The following CALCOCO2 variants were observed in gnomAD, a reference collection of about 807,000 sequenced individuals.
The protein encoded by CALCOCO2 is calcium-binding and coiled-coil domain-containing protein 2.
In CALCOCO2, 42 loss-of-function variants were observed where a neutral mutation model predicts 62.5. The ratio of observed to expected loss-of-function variants is 0.67; its 90% CI spans 0.53 to 0.87. CALCOCO2 has a LOEUF of 0.87. Among genes scored for constraint, CALCOCO2 ranks in the 40% least tolerant of loss-of-function variants. The pLI is 0.00. For synonymous variants in CALCOCO2, 167 were observed against 173.0 expected, an observed-to-expected ratio of 0.97 and a Z score of 0.27; for missense variants, 456 against 515.0, an observed-to-expected ratio of 0.89 and a Z score of 1.11.
intron 1 of CALCOCO2, among the ~76,000 whole-genome samples, chr17:48,839,676 T>TTTTC (rs2039949953): frequency 7.8e-6 from 1 of 127,618 alleles, no homozygotes; most frequent in Non-Finnish European, 1.7e-5. Context: ...TTTGCTTTTT[T>TTTTC]TTTTTTTTTT....
chr17:48,864,788 T>C lies in CALCOCO2; in HGVS notation c.*1783T>C, dbSNP rs768370706. ...TACTTCTCCAAGCCTTTTGCTGTCTTAAGAATAAGACCTGAGATTAACACT... is the reference window on the plus strand; with the variant it reads ...TACTTCTCCAAGCCTTTTGCTGTCTCAAGAATAAGACCTGAGATTAACACT... On this transcript the variant is annotated 3_prime_UTR_variant, in exon 13 of 13. Transcript: ENST00000258947. 6.6e-6 allele frequency: 1 copy of C among 152,226 alleles called. No individual in the cohort carries two copies. The highest frequency in any genetic ancestry group is 1.5e-5 in the Non-Finnish European group (1 of 68,052). The allele number at this position is 152,226 out of a possible 1,614,324, so 9.4% of individuals were successfully genotyped here.
In CALCOCO2 at chr17:48,842,023, A is replaced by G. The variant is rs1215920611; in HGVS notation, c.180+136A>G. On this transcript the variant is annotated intron_variant, in intron 2 of 12. Coordinates refer to ENST00000258947, the MANE Select transcript of CALCOCO2 (RefSeq NM_005831.5). ...TTTTTAAATTCTAGCCAAGCTCCAC[A>G]GCACTTCTCTCTTCACACATTAATG... 25 of 546,024 alleles carry G rather than the reference A, an allele frequency of 4.6e-5. No homozygotes were observed. In the East Asian group the frequency reaches 7.7e-4, roughly 17 times the overall value. 33.8% of individuals were successfully genotyped at this position (546,024 alleles called of 1,614,324 possible).
intron 5 of CALCOCO2, 43 bp downstream of exon 5, chr17:48,849,420 G>A: frequency 1.3e-6 from 2 of 1,571,972 alleles, no homozygotes; most frequent in Non-Finnish European, 1.7e-6. Context: ...ATGGAGATCA[G>A]AATTGGATGG....
At chr17:48,843,302 G>A (rs1224520476) in intron 2 of CALCOCO2, among the ~76,000 whole-genome samples, 2 of 152,004 alleles carry the variant, frequency 1.3e-5, no homozygotes, top group Non-Finnish European at 2.9e-5. Flanking sequence ...ACACCATAAT[G>A]ACAAATCTTC....
chr17:48,859,592 CCCTG>C (rs1303067788), intron 10 of CALCOCO2, among the ~76,000 whole-genome samples: 1 of 151,966 alleles, frequency 6.6e-6, no homozygotes, highest in African/African-American at 2.4e-5. Context: ...CCAAGCAAGA[CCCTG>C]TCTCTAAAAA....
At chr17:48,861,661 G>GTATATATATATATATATA (rs59973644) in intron 11 of CALCOCO2, among the ~76,000 whole-genome samples, 24 of 135,132 alleles carry the variant, frequency 1.8e-4, no homozygotes, top group African/African-American at 6.8e-4. Context: ...ATGTGTGTGT[G>GTATATATATATATATATA]TATATATATA....
intron 11 of CALCOCO2, 69 bp from the exon 12 acceptor site, chr17:48,862,207 C>T (rs1247927163): frequency 1.0e-6 from 1 of 1,000,948 alleles, no homozygotes; most frequent in East Asian, 2.4e-5. Flanking sequence ...GAAATATCTG[C>T]CAGAACACAG....
At chr17:48,846,844 A>G (rs2040059783) in intron 2 of CALCOCO2, among the ~76,000 whole-genome samples, 1 of 152,190 alleles carries the variant, frequency 6.6e-6, no homozygotes, top group Non-Finnish European at 1.5e-5. Flanking sequence ...ATATGGCAAT[A>G]AATGTAATTT....
intron 2 of CALCOCO2, among the ~76,000 whole-genome samples, chr17:48,847,318 A>AGG (rs1246602258): frequency 1.3e-5 from 2 of 152,120 alleles, no homozygotes; most frequent in Admixed American, 1.3e-4. Context: ...ACCAATAGAG[A>AGG]GGGCAGGTCA....
At chr17:48,841,954 A>T (rs534044078) in intron 2 of CALCOCO2, 67 bp downstream of exon 2, 1 of 1,142,782 alleles carries the variant, frequency 8.8e-7, no homozygotes, top group South Asian at 1.5e-5. Context: ...TAACTGTGTG[A>T]CTCTCTGTGT....
chr17:48,847,791 G>A (rs1567753762), intron 2 of CALCOCO2: 1 of 254,496 alleles, frequency 3.9e-6, no homozygotes, highest in Non-Finnish European at 7.6e-6. Context: ...GAGTAGCTGG[G>A]ATTACAGGCG....
intron 10 of CALCOCO2, among the ~76,000 whole-genome samples, chr17:48,858,346 G>GT (rs1325421499): frequency 6.6e-6 from 1 of 151,400 alleles, no homozygotes. Context: ...TTGTTTGTTT[G>GT]TTTTTTAGAG....
In CALCOCO2 at chr17:48,861,628, T is replaced by C. The variant is rs1029726597; in HGVS notation, c.1145-648T>C. ...GTTGTTTTTTTCTGACTGTATAACA[T>C]ATATATATATGTATATATATATATG... On this transcript the variant is annotated intron_variant, in intron 11 of 12. Transcript: ENST00000258947. Among the ~76,000 whole-genome samples the C allele has an allele frequency of 8.0e-4, 94 of 116,848 alleles. 1 individual carries two copies. Among genetic ancestry groups the C allele is most frequent in the Middle Eastern group, 3.9e-3 (1 of 256 alleles). 76.7% of individuals were successfully genotyped at this position (116,848 alleles called of 152,430 possible).
chr17:48,862,186 G>C, intron 11 of CALCOCO2, 90 bp from the exon 12 acceptor site: 1 of 867,774 alleles, frequency 1.2e-6, no homozygotes, highest in Non-Finnish European at 2.0e-6. Flanking sequence ...AGGGAACAAT[G>C]AAAGTTACAG....
At chr17:48,840,244 C>G (rs1170741498) in intron 1 of CALCOCO2, among the ~76,000 whole-genome samples, 1 of 152,158 alleles carries the variant, frequency 6.6e-6, no homozygotes, top group Non-Finnish European at 1.5e-5. Flanking sequence ...ATCTTCCCAT[C>G]TCAGCTTCCC....
At chr17:48,843,248 C>T (rs1176092303) in intron 2 of CALCOCO2, among the ~76,000 whole-genome samples, 1 of 152,168 alleles carries the variant, frequency 6.6e-6, no homozygotes, top group Non-Finnish European at 1.5e-5. Flanking sequence ...TCTATGTCCC[C>T]TTTGCCCTCC....
Position 48,864,480 on chromosome 17 carries a change from A to G in CALCOCO2, c.*1475A>G, listed in dbSNP as rs2040368448. On this transcript the variant is annotated 3_prime_UTR_variant, in exon 13 of 13. Transcript: ENST00000258947. ...CGCTCTATCCAAATTTGCCTAATTG[A>G]ACTATAAGAAAGTAATAATTCCATT... The G allele has an allele frequency of 6.5e-6, 1 of 153,972 alleles. No homozygotes were observed. Among genetic ancestry groups the G allele is most frequent in the Non-Finnish European group, 1.5e-5 (1 of 68,224 alleles). 9.5% of individuals were successfully genotyped at this position (153,972 alleles called of 1,614,324 possible). A position where few individuals can be genotyped will look rare whatever the true frequency, so the allele number is the denominator to read the frequency against.
Position 48,851,619 on chromosome 17 carries a change from T to TC in CALCOCO2, c.694dup (p.Gln232ProfsTer23). ...ATGAGAAGATGGGAATCAGAGTGGA[T>TC]CAGCTTCAGGTAGGTAATGCCATAT... On this transcript the variant is annotated frameshift_variant, in exon 7 of 13. Transcript: ENST00000258947. LOFTEE classifies it high-confidence loss of function. 6.3e-7 allele frequency: 1 copy of TC among 1,587,624 alleles called. No individual in the cohort carries two copies. The highest frequency in any genetic ancestry group is 8.7e-7 in the Non-Finnish European group (1 of 1,155,652).
At chr17:48,851,416 C>A in intron 6 of CALCOCO2, 143 bp from the exon 7 acceptor site, 1 of 639,282 alleles carries the variant, frequency 1.6e-6, no homozygotes, top group Non-Finnish European at 2.8e-6. Context: ...AGTCAGGAAG[C>A]CAAAACAGGA....
Sources: allele counts gnomAD v4.1 joint callset (sites outside exome capture counted in the v4.1 genomes callset), GRCh38; gene constraint gnomAD v4.1.1; transcripts MANE v1.5; gene names NCBI Gene and HGNC (gene_info 2026-07-23, HGNC 2026-07-21).